Variants in IMMP2L observed in about 807,000 individuals in gnomAD.
IMMP2L encodes the protein inner mitochondrial membrane peptidase subunit 2, also known as mitochondrial inner membrane protease subunit 2.
Under a neutral mutation model 19.3 loss-of-function variants are expected in IMMP2L, and 18 were observed. The observed-to-expected ratio is 0.93, with a 90% CI of 0.64 to 1.38. IMMP2L has a LOEUF of 1.38. Among genes scored for constraint, IMMP2L ranks in the 40% most tolerant of loss-of-function variants. IMMP2L has a pLI of 0.00. For missense variants in IMMP2L, 233 were observed against 218.2 expected (o/e 1.07, Z -0.43); for synonymous variants, 76 against 73.0 (o/e 1.04, Z -0.21).
chr7:111,462,271 A>C (rs1840202561), intron 3 of IMMP2L, among the ~76,000 whole-genome samples: 1 of 152,096 alleles, frequency 6.6e-6, no homozygotes, highest in African/African-American at 2.4e-5. Context: ...ATAATCATTA[A>C]ACAAAGTAAT....
intron 3 of IMMP2L, among the ~76,000 whole-genome samples, chr7:111,222,848 G>A (rs1392578897): frequency 6.6e-6 from 1 of 151,940 alleles, no homozygotes; most frequent in Non-Finnish European, 1.5e-5. Context: ...AAAATCTGTT[G>A]TCCATGTGGA....
chr7:110,890,517 C>T (rs545294387), intron 4 of IMMP2L, among the ~76,000 whole-genome samples: 114 of 152,220 alleles, frequency 7.5e-4, no homozygotes, highest in African/African-American at 2.7e-3. Flanking sequence ...GGGCTGGTCC[C>T]TTTTAGGACT....
chr7:110,677,636 G>C (rs1792409848), intron 5 of IMMP2L, among the ~76,000 whole-genome samples: 1 of 152,088 alleles, frequency 6.6e-6, no homozygotes. Flanking sequence ...TTGTTTAGGT[G>C]AATGAGGTAT....
At chr7:111,333,878 A>C (rs1826128470) in intron 3 of IMMP2L, among the ~76,000 whole-genome samples, 1 of 152,000 alleles carries the variant, frequency 6.6e-6, no homozygotes, top group South Asian at 2.1e-4. Flanking sequence ...TCACCTTGTG[A>C]TCATGTGAGT....
At chr7:110,881,246 G>A (rs953236285) in intron 5 of IMMP2L, among the ~76,000 whole-genome samples, 1 of 151,892 alleles carries the variant, frequency 6.6e-6, no homozygotes, top group African/African-American at 2.4e-5. Flanking sequence ...TCATTATAAT[G>A]GTATCTCCTT....
In IMMP2L at chr7:111,345,192, C is replaced by A. The variant is rs111273658; in HGVS notation, c.239+142046G>T. 7.0e-3 allele frequency among the ~76,000 whole-genome samples: 1,059 copies of A among 152,128 alleles called. 14 individuals carry two copies. The highest frequency in any genetic ancestry group is 0.023 in the African/African-American group (940 of 41,514). On this transcript the variant is annotated intron_variant, in intron 3 of 5. Transcript: ENST00000405709. ...AATAAATTCCTTTATCACTCCTGGGCAAATCTAATATTACTAAATGTGTAA... is the reference window on the plus strand; with the variant it reads ...AATAAATTCCTTTATCACTCCTGGGAAAATCTAATATTACTAAATGTGTAA...
chr7:111,463,538 C>A (rs967295251), intron 3 of IMMP2L, among the ~76,000 whole-genome samples: 1 of 152,106 alleles, frequency 6.6e-6, no homozygotes, highest in Non-Finnish European at 1.5e-5. Flanking sequence ...CCACTCCATA[C>A]CCCCACCAGG....
At chr7:110,820,544 T>C (rs946049941) in intron 5 of IMMP2L, among the ~76,000 whole-genome samples, 1 of 151,810 alleles carries the variant, frequency 6.6e-6, no homozygotes, top group Admixed American at 6.6e-5. Flanking sequence ...ATATGTTTCA[T>C]ATTATGAGTA....
intron 3 of IMMP2L, among the ~76,000 whole-genome samples, chr7:111,316,273 G>A (rs1344393217): frequency 6.6e-6 from 1 of 152,032 alleles, no homozygotes; most frequent in East Asian, 1.9e-4. Context: ...ATAAAGAGTG[G>A]AGGATGTTAG....
chr7:111,041,728 A>C (rs1342316124), intron 3 of IMMP2L, among the ~76,000 whole-genome samples: 1 of 151,824 alleles, frequency 6.6e-6, no homozygotes, highest in East Asian at 1.9e-4. Context: ...CATGATTCTG[A>C]TTTGTTTTCA....
chr7:111,391,711 T>G (rs1832368945), intron 3 of IMMP2L: 1 of 507,430 alleles, frequency 2.0e-6, no homozygotes. Flanking sequence ...AGATGCAAAT[T>G]TTTTAAAATA....
chr7:111,279,722 T>G (rs1819492861), intron 3 of IMMP2L, among the ~76,000 whole-genome samples: 1 of 152,138 alleles, frequency 6.6e-6, no homozygotes, highest in South Asian at 2.1e-4. Context: ...TAACCTCTTT[T>G]GCTTGAAGAA....
intron 5 of IMMP2L, among the ~76,000 whole-genome samples, chr7:110,799,853 C>T (rs529748138): frequency 6.6e-6 from 1 of 152,010 alleles, no homozygotes; most frequent in African/African-American, 2.4e-5. Context: ...TTCAGTTCAC[C>T]CATAGAGTCT....
chr7:111,017,496 A>C (rs530698131), intron 3 of IMMP2L, among the ~76,000 whole-genome samples: 2 of 152,130 alleles, frequency 1.3e-5, no homozygotes, highest in Non-Finnish European at 2.9e-5. Flanking sequence ...GTGCCTTGAA[A>C]GTCAACTACC....
At position 111,492,234 on chromosome 7, in the gene IMMP2L, A is replaced by G. The variant is rs1039116877; in HGVS notation, c.136-4893T>C. On this transcript the variant is annotated intron_variant, in intron 2 of 5. Transcript: ENST00000405709. ...TAGTGGAAAGAATTTAAAAAAATCA[A>G]TTAGTGGAATTTCCAAAGATTTTCA... is the stretch of plus-strand genomic sequence containing the variant. 1.4e-5 allele frequency: 3 copies of G among 212,444 alleles called. No individual in the cohort carries two copies. The Admixed American group carries it at 2.0e-4, about 14-fold the overall frequency. The allele number at this position is 212,444 out of a possible 1,614,324, so 13.2% of individuals were successfully genotyped here.
intron 5 of IMMP2L, among the ~76,000 whole-genome samples, chr7:110,884,866 A>C: frequency 6.6e-6 from 1 of 152,062 alleles, no homozygotes; most frequent in Admixed American, 6.6e-5. Flanking sequence ...ACTAGAAAAA[A>C]AAGAAGTAGG....
chr7:111,469,181 G>C (rs1037773338), intron 3 of IMMP2L, among the ~76,000 whole-genome samples: 7 of 152,120 alleles, frequency 4.6e-5, no homozygotes, highest in Non-Finnish European at 1.0e-4. Flanking sequence ...TTTGAAGTCA[G>C]GTAGCGTGAT....
intron 3 of IMMP2L, among the ~76,000 whole-genome samples, chr7:111,445,657 C>T (rs1281640037): frequency 6.6e-6 from 1 of 152,044 alleles, no homozygotes. Flanking sequence ...GCTAAAAGGG[C>T]GGAGATTGGG....
At chr7:110,718,249 A>G (rs1795352231) in intron 5 of IMMP2L, among the ~76,000 whole-genome samples, 1 of 152,206 alleles carries the variant, frequency 6.6e-6, no homozygotes. Flanking sequence ...TAAAAGTAGA[A>G]AGTTTGAGAA....
Sources: allele counts gnomAD v4.1 joint callset (sites outside exome capture counted in the v4.1 genomes callset), GRCh38; gene constraint gnomAD v4.1.1; transcripts MANE v1.5; gene names NCBI Gene and HGNC (gene_info 2026-07-23, HGNC 2026-07-21).